Variants in GGTA1 observed in about 807,000 individuals in gnomAD.
GGTA1 encodes inactive N-acetyllactosaminide alpha-1,3-galactosyltransferase.
A neutral mutation model predicts 2.6 loss-of-function variants in GGTA1; 5 were observed. That is an observed-to-expected ratio of 1.92 (90% confidence interval 1.00 to 4.04). GGTA1 has a LOEUF of 4.04. GGTA1 is among the 30% of genes most tolerant of loss of function. GGTA1 has a pLI of 0.00. For missense variants in GGTA1, 50 were observed against 16.7 expected (o/e 2.99, Z -3.47); for synonymous variants, 17 against 5.0 (o/e 3.38, Z -3.19).
At chr9:121,495,500 T>C (rs1032073883) in intron 1 of GGTA1, among the ~76,000 whole-genome samples, 1 of 152,056 alleles carries the variant, frequency 6.6e-6, no homozygotes, top group African/African-American at 2.4e-5. Flanking sequence ...TGAGCTGAGA[T>C]CATGCCACTG....
At chr9:121,456,670 C>T (rs995215391) in intron 5 of GGTA1, among the ~76,000 whole-genome samples, 2 of 152,076 alleles carry the variant, frequency 1.3e-5, no homozygotes, top group African/African-American at 4.8e-5. Flanking sequence ...CCCACCTTGG[C>T]CTCCCAAAGT....
At chr9:121,485,061 G>T (rs1365944991) in intron 1 of GGTA1, among the ~76,000 whole-genome samples, 1 of 152,232 alleles carries the variant, frequency 6.6e-6, no homozygotes, top group Non-Finnish European at 1.5e-5. Context: ...CTGGAAAATA[G>T]TCCGGTGTAG....
intron 1 of GGTA1, among the ~76,000 whole-genome samples, chr9:121,470,137 C>T (rs1251874562): frequency 6.6e-6 from 1 of 152,218 alleles, no homozygotes; most frequent in East Asian, 1.9e-4. Context: ...TCCTGTGTCT[C>T]CTCTTGTGAT....
At chr9:121,459,036 T>A (rs1163789703) in intron 5 of GGTA1, among the ~76,000 whole-genome samples, 1 of 152,182 alleles carries the variant, frequency 6.6e-6, no homozygotes, top group Non-Finnish European at 1.5e-5. Context: ...GATCATCAAA[T>A]GACATATGGG....
intron 7 of GGTA1, among the ~76,000 whole-genome samples, chr9:121,449,979 T>C (rs917154947): frequency 2.6e-5 from 4 of 152,204 alleles, no homozygotes; most frequent in Non-Finnish European, 4.4e-5. Context: ...CCAGTTGGCT[T>C]AATACAACTT....
intron 1 of GGTA1, among the ~76,000 whole-genome samples, chr9:121,479,627 G>A (rs187938348): frequency 1.3e-3 from 202 of 152,172 alleles, no homozygotes; most frequent in African/African-American, 4.7e-3. Context: ...GATAAAAATG[G>A]AAACCATTCT....
At chr9:121,473,603 G>A (rs149410532) in intron 1 of GGTA1, among the ~76,000 whole-genome samples, 2 of 152,278 alleles carry the variant, frequency 1.3e-5, no homozygotes, top group Non-Finnish European at 2.9e-5. Flanking sequence ...CTGAAGACTG[G>A]TGGTTCACTG....
chr9:121,492,802 C>T (rs998533468), intron 1 of GGTA1, among the ~76,000 whole-genome samples: 5 of 152,042 alleles, frequency 3.3e-5, no homozygotes, highest in Admixed American at 1.3e-4. Context: ...GCAGGCCCCC[C>T]TGAAGATGAG....
At chr9:121,474,293 G>T (rs554027197) in intron 1 of GGTA1, among the ~76,000 whole-genome samples, 5 of 152,204 alleles carry the variant, frequency 3.3e-5, no homozygotes, top group Middle Eastern at 3.4e-3. Context: ...CCATCCTATG[G>T]CCCCAGACCA....
intron 1 of GGTA1, among the ~76,000 whole-genome samples, chr9:121,483,309 T>C (rs1828693838): frequency 6.6e-6 from 1 of 152,120 alleles, no homozygotes; most frequent in South Asian, 2.1e-4. Context: ...CCCAGGCGCC[T>C]CCAGGGAACA....
chr9:121,450,560 A>G (rs1285753544), downstream of GGTA1, among the ~76,000 whole-genome samples: 1 of 152,194 alleles, frequency 6.6e-6, no homozygotes, highest in East Asian at 1.9e-4. Context: ...TGCAATTTAC[A>G]GTTTAGTTGT....
chr9:121,490,847 T>C (rs921508950), intron 1 of GGTA1, among the ~76,000 whole-genome samples: 13 of 152,306 alleles, frequency 8.5e-5, no homozygotes, highest in Middle Eastern at 3.4e-3. Context: ...CTCTGTTGCA[T>C]ACAACCGTGA....
intron 1 of GGTA1, among the ~76,000 whole-genome samples, chr9:121,492,337 G>T (rs935499855): frequency 6.6e-5 from 10 of 152,138 alleles, no homozygotes; most frequent in African/African-American, 2.4e-4. Flanking sequence ...TGGCTGATGG[G>T]GAAACGGTCC....
Position 121,476,374 on chromosome 9 carries a change from C to G in GGTA1, c.-9-8443G>C, listed in dbSNP as rs997091897. On this transcript the variant is annotated intron_variant, in intron 1 of 5. Coordinates refer to ENST00000481799, the MANE Select transcript of GGTA1 (RefSeq NM_001382585.1). The surrounding 1 kb of genome is among the most constrained non-coding windows in gnomAD (Gnocchi z 4.6). ...CTTGTCATAGTCCTGCAGGTCAGCCCCAGCACCAACACAGTGCCAGCTTTC... is the reference window on the plus strand; with the variant it reads ...CTTGTCATAGTCCTGCAGGTCAGCCGCAGCACCAACACAGTGCCAGCTTTC... Among the ~76,000 whole-genome samples, 2 of 152,092 alleles carry G rather than the reference C, an allele frequency of 1.3e-5. No individual in the cohort carries two copies. Among genetic ancestry groups the G allele is most frequent in the Admixed American group, 1.3e-4 (2 of 15,274 alleles).
At position 121,465,390 on chromosome 9, in the gene GGTA1, C is replaced by T. The variant is rs528283561; in HGVS notation, c.81-2062G>A. ...CTAGAGCTCTTCTATTTACCAAAAT[C>T]TTTCTTGTTCTGCCCTCTGGAGCAG... On this transcript the variant is annotated intron_variant, in intron 2 of 5. Transcript: ENST00000481799. 4.6e-5 allele frequency among the ~76,000 whole-genome samples: 7 copies of T among 152,364 alleles called. No homozygotes were observed. In the South Asian group the frequency reaches 6.2e-4, roughly 14 times the overall value.
At chr9:121,452,544 G>A (rs117457985), downstream of GGTA1, among the ~76,000 whole-genome samples, 3,155 of 151,472 alleles carry the variant, frequency 0.021, 55 homozygotes, top group Non-Finnish European at 0.028. Flanking sequence ...TTTTAAGACA[G>A]ATCTCGCTCT....
rs1223631100 is a variant in GGTA1, at chr9:121,476,053, C to G, written c.-9-8122G>C. Among the ~76,000 whole-genome samples the G allele has an allele frequency of 6.6e-6, 1 of 152,106 alleles. No homozygotes were observed. Among genetic ancestry groups the G allele is most frequent in the African/African-American group, 2.4e-5 (1 of 41,410 alleles). On this transcript the variant is annotated intron_variant, in intron 1 of 5. Coordinates refer to ENST00000481799, the MANE Select transcript of GGTA1 (RefSeq NM_001382585.1). The surrounding 1 kb of genome is among the most constrained non-coding windows in gnomAD (Gnocchi z 4.6). Reference sequence around the variant, plus strand: ...ATACTGTGCCCATGGTCTGTTAATGCCCCCCACACAGTACCTATAATAATG... The same window carrying G: ...ATACTGTGCCCATGGTCTGTTAATGGCCCCCACACAGTACCTATAATAATG...
intron 2 of GGTA1, among the ~76,000 whole-genome samples, chr9:121,465,291 T>A (rs2064997137): frequency 6.6e-6 from 1 of 152,258 alleles, no homozygotes; most frequent in African/African-American, 2.4e-5. Context: ...GCTTGAAGGT[T>A]ATCCAAGCAG....
Position 121,455,635 on chromosome 9 carries a change from C to T in GGTA1, c.*202G>A, listed in dbSNP as rs1447458307. 4.8e-6 allele frequency: 1 copy of T among 206,918 alleles called. No individual in the cohort carries two copies. The highest frequency in any genetic ancestry group is 1.0e-5 in the Non-Finnish European group (1 of 97,564). 12.8% of individuals were successfully genotyped at this position (206,918 alleles called of 1,614,324 possible). On this transcript the variant is annotated 3_prime_UTR_variant, in exon 6 of 6. Coordinates refer to ENST00000481799, the MANE Select transcript of GGTA1 (RefSeq NM_001382585.1). Reference sequence around the variant, plus strand: ...GTGTCTGATCCCCTGACCCACATTTCCCAGTTCCCTGCTCTATACCAGGTC... The same window carrying T: ...GTGTCTGATCCCCTGACCCACATTTTCCAGTTCCCTGCTCTATACCAGGTC...
Sources: allele counts gnomAD v4.1 joint callset (sites outside exome capture counted in the v4.1 genomes callset), GRCh38; gene constraint gnomAD v4.1.1; non-coding constraint Gnocchi (gnomAD v3.1); transcripts MANE v1.5; gene names NCBI Gene and HGNC (gene_info 2026-07-23, HGNC 2026-07-21).